The following RBFOX1 variants were observed in gnomAD, a reference collection of about 807,000 sequenced individuals.
RBFOX1 encodes RNA binding protein fox-1 homolog 1.
Under a neutral mutation model 57.7 loss-of-function variants are expected in RBFOX1, and 8 were observed. The observed-to-expected ratio is 0.14, with a 90% CI of 0.08 to 0.25. The LOEUF is 0.25. Ranked by LOEUF, RBFOX1 falls within the 10% of genes least tolerant of loss-of-function variation. The pLI is 1.00. For missense variants in RBFOX1, 611 were observed against 548.5 expected (o/e 1.11, Z -1.14); for synonymous variants, 326 against 222.4 (o/e 1.47, Z -4.15).
At chr16:6,523,305 T>G (rs545598917) in intron 2 of RBFOX1, among the ~76,000 whole-genome samples, 12 of 152,228 alleles carry the variant, frequency 7.9e-5, no homozygotes, top group Middle Eastern at 6.8e-3. Flanking sequence ...TGGCAATAAG[T>G]TGATAAAGCT....
chr16:7,537,720 C>G (rs868082339), intron 5 of RBFOX1, among the ~76,000 whole-genome samples: 3 of 152,138 alleles, frequency 2.0e-5, no homozygotes, highest in Non-Finnish European at 4.4e-5. Context: ...TTGGGTCCAT[C>G]TCAGGAATAG....
At chr16:7,397,518 G>C (rs764118532) in intron 4 of RBFOX1, among the ~76,000 whole-genome samples, 40 of 152,162 alleles carry the variant, frequency 2.6e-4, no homozygotes, top group African/African-American at 8.9e-4. Context: ...ACTGGTGACA[G>C]AGGGTCTCAG....
intron 1 of RBFOX1, among the ~76,000 whole-genome samples, chr16:5,428,584 G>C (rs1042706022): frequency 1.4e-4 from 21 of 152,136 alleles, no homozygotes; most frequent in African/African-American, 5.1e-4. Context: ...AGCTGAAAGA[G>C]GAGACCAGGA....
chr16:7,546,527 T>G (rs987324827), intron 5 of RBFOX1, among the ~76,000 whole-genome samples: 2 of 152,176 alleles, frequency 1.3e-5, no homozygotes, highest in African/African-American at 4.8e-5. Flanking sequence ...AGTTATTTCA[T>G]CACCTCGTTG....
chr16:7,504,786 T>TA lies in RBFOX1; in HGVS notation c.28-13361_28-13360insA, dbSNP rs1567555273. Among the ~76,000 whole-genome samples the TA allele has an allele frequency of 4.9e-3, 96 of 19,658 alleles. 5 individuals carry two copies. The highest frequency in any genetic ancestry group is 0.012 in the African/African-American group (90 of 7,644). 12.9% of individuals were successfully genotyped at this position (19,658 alleles called of 152,430 possible). On this transcript the variant is annotated intron_variant, in intron 4 of 15. Coordinates refer to ENST00000550418, the MANE Select transcript of RBFOX1 (RefSeq NM_018723.4). ...ATATATATATTTATATATATATATA[T>TA]TTATATATATATATATTTATATATA... is the stretch of plus-strand genomic sequence containing the variant.
chr16:6,866,155 C>T (rs1945287695), intron 3 of RBFOX1, among the ~76,000 whole-genome samples: 2 of 152,144 alleles, frequency 1.3e-5, no homozygotes, highest in Middle Eastern at 3.4e-3. Flanking sequence ...ATGCATTTTT[C>T]TTTATATTAT....
intron 3 of RBFOX1, among the ~76,000 whole-genome samples, chr16:6,713,546 A>G (rs114486565): frequency 0.013 from 1,992 of 152,074 alleles, 47 homozygotes; most frequent in African/African-American, 0.045. Context: ...CCCCCTCCCC[A>G]GTTGAGACAA....
At chr16:5,963,472 G>T (rs2059789269) in intron 4 of RBFOX1, among the ~76,000 whole-genome samples, 1 of 152,220 alleles carries the variant, frequency 6.6e-6, no homozygotes, top group Non-Finnish European at 1.5e-5. Flanking sequence ...CTGGGGGAAT[G>T]AAGCTGGAGG....
chr16:7,278,543 T>C (rs1055943324), intron 4 of RBFOX1, among the ~76,000 whole-genome samples: 6 of 152,350 alleles, frequency 3.9e-5, no homozygotes, highest in Admixed American at 1.3e-4. Flanking sequence ...TTAGAGTTCA[T>C]TAAAATTTAT....
chr16:5,405,374 C>T (rs763929586), intron 1 of RBFOX1, among the ~76,000 whole-genome samples: 12 of 152,234 alleles, frequency 7.9e-5, no homozygotes, highest in Non-Finnish European at 1.3e-4. Context: ...TCATGTGATC[C>T]GATGATTTTA....
chr16:7,697,451 C>A (rs939632690), intron 14 of RBFOX1, among the ~76,000 whole-genome samples: 3 of 152,112 alleles, frequency 2.0e-5, no homozygotes, highest in African/African-American at 7.2e-5. Context: ...CTGAACTCTC[C>A]AAGGTGTAAT....
At chr16:6,880,733 T>A (rs1284915451) in intron 3 of RBFOX1, among the ~76,000 whole-genome samples, 1 of 152,224 alleles carries the variant, frequency 6.6e-6, no homozygotes, top group Non-Finnish European at 1.5e-5. Flanking sequence ...ACGATGATTA[T>A]TTTATGATTG....
chr16:6,936,653 C>T (rs575377041), intron 3 of RBFOX1, among the ~76,000 whole-genome samples: 4 of 151,946 alleles, frequency 2.6e-5, no homozygotes, highest in Non-Finnish European at 5.9e-5. Flanking sequence ...ATGACTATGA[C>T]CGCTATTTCA....
chr16:6,117,289 A>T (rs576178319), intron 1 of RBFOX1, among the ~76,000 whole-genome samples: 1 of 152,338 alleles, frequency 6.6e-6, no homozygotes, highest in East Asian at 1.9e-4. Flanking sequence ...ACGTACAAAA[A>T]AAAATATGCA....
At chr16:6,490,697 C>G (rs567439568) in intron 2 of RBFOX1, among the ~76,000 whole-genome samples, 1 of 152,106 alleles carries the variant, frequency 6.6e-6, no homozygotes, top group South Asian at 2.1e-4. Flanking sequence ...GGTCATGGAG[C>G]AATATTAAAG....
chr16:7,303,181 C>A (rs570338854), intron 4 of RBFOX1, among the ~76,000 whole-genome samples: 5 of 152,346 alleles, frequency 3.3e-5, no homozygotes, highest in African/African-American at 1.2e-4. Flanking sequence ...GGCTGGTTCG[C>A]TGGCTCGGGG....
chr16:7,258,341 A>G (rs7201197), intron 4 of RBFOX1, among the ~76,000 whole-genome samples: 2,636 of 152,256 alleles, frequency 0.017, 70 homozygotes, highest in African/African-American at 0.06. Context: ...AAGAAATATT[A>G]ATGGTTGTAA....
intron 1 of RBFOX1, among the ~76,000 whole-genome samples, chr16:5,358,118 A>T (rs571533342): frequency 6.6e-6 from 1 of 152,096 alleles, no homozygotes; most frequent in South Asian, 2.1e-4. Context: ...CATCTGTTCC[A>T]TGTCTTTCTC....
At chr16:6,382,486 A>G (rs745872309) in intron 2 of RBFOX1, among the ~76,000 whole-genome samples, 10 of 152,228 alleles carry the variant, frequency 6.6e-5, no homozygotes. Flanking sequence ...TGTGACCTGG[A>G]GCCAGTTTGT....
Sources: allele counts gnomAD v4.1 joint callset (sites outside exome capture counted in the v4.1 genomes callset), GRCh38; gene constraint gnomAD v4.1.1; transcripts MANE v1.5; gene names NCBI Gene and HGNC (gene_info 2026-07-23, HGNC 2026-07-21).